Variants in GRM5 observed in about 807,000 individuals in gnomAD.
GRM5 encodes the protein metabotropic glutamate receptor 5.
GRM5 carries 19 observed loss-of-function variants against 83.1 expected under a neutral mutation model. That is an observed-to-expected ratio of 0.23 (90% CI 0.16 to 0.34). GRM5 has a LOEUF of 0.34. Among genes scored for constraint, GRM5 ranks in the 10% least tolerant of loss-of-function variants. The probability of loss-of-function intolerance (pLI) is 1.00; values close to 1 mark genes in which losing one functional copy is unlikely to be tolerated. For synonymous variants in GRM5, 675 were observed against 633.6 expected (o/e 1.07, Z -0.98); for missense variants, 1,160 against 1,588.3 (o/e 0.73, Z 4.58).
chr11:88,521,378 T>C (rs527983898), intron 9 of GRM5, among the ~76,000 whole-genome samples: 6 of 151,970 alleles, frequency 3.9e-5, no homozygotes, highest in Non-Finnish European at 7.4e-5. Context: ...GATCGCACCA[T>C]TGCACTCCAG....
intron 3 of GRM5, among the ~76,000 whole-genome samples, chr11:88,787,131 ATGTGTGTGTGTG>A (rs57116541): frequency 0.024 from 3,470 of 143,310 alleles, 122 homozygotes; most frequent in African/African-American, 0.08. Flanking sequence ...ATATGATATG[ATGTGTGTGTGTG>A]TGTGTGTGTG....
rs576997750 is a variant in GRM5, at chr11:89,059,546, T to C, written c.-201+6230A>G. On this transcript the variant is annotated intron_variant, in intron 1 of 9. Coordinates refer to ENST00000305447, the MANE Select transcript of GRM5 (RefSeq NM_001143831.3). Reference sequence around the variant, plus strand: ...ATCCTAGATTTAAATACCGGCTTTGTCACCTTTGTTTGTACTGTGGGACAT... The same window carrying C: ...ATCCTAGATTTAAATACCGGCTTTGCCACCTTTGTTTGTACTGTGGGACAT... Among the ~76,000 whole-genome samples the C allele has an allele frequency of 3.3e-5, 5 of 151,188 alleles. No homozygotes were observed. In the East Asian group the frequency reaches 7.8e-4, roughly 23 times the overall value.
chr11:88,823,214 C>A (rs1943832463), intron 3 of GRM5, among the ~76,000 whole-genome samples: 1 of 150,556 alleles, frequency 6.6e-6, no homozygotes, highest in South Asian at 2.1e-4. Context: ...CATTTTAAGA[C>A]CTTATTATAT....
At chr11:88,610,437 G>A (rs1236451882) in intron 4 of GRM5, among the ~76,000 whole-genome samples, 1 of 151,914 alleles carries the variant, frequency 6.6e-6, no homozygotes, top group Non-Finnish European at 1.5e-5. Flanking sequence ...TCACTTCCTT[G>A]GTAAACTGTA....
chr11:88,703,431 C>A (rs1941082142), intron 3 of GRM5, among the ~76,000 whole-genome samples: 1 of 152,040 alleles, frequency 6.6e-6, no homozygotes, highest in African/African-American at 2.4e-5. Flanking sequence ...ACTTTGTCCC[C>A]AATCTGTGAT....
intron 4 of GRM5, among the ~76,000 whole-genome samples, chr11:88,614,710 T>C (rs1464281286): frequency 2.0e-5 from 3 of 152,202 alleles, no homozygotes; most frequent in East Asian, 3.8e-4. Flanking sequence ...GTATCTGATA[T>C]GTGCCTAAGC....
chr11:88,988,001 C>T (rs1939795872), intron 2 of GRM5, among the ~76,000 whole-genome samples: 1 of 151,554 alleles, frequency 6.6e-6, no homozygotes, highest in African/African-American at 2.4e-5. Flanking sequence ...CGGAACAAAG[C>T]TGGACGGAGA....
At chr11:88,572,600 T>A (rs1449627051) in intron 7 of GRM5, among the ~76,000 whole-genome samples, 3 of 152,158 alleles carry the variant, frequency 2.0e-5, no homozygotes, top group East Asian at 1.9e-4. Context: ...AAACAAGGTC[T>A]ACCAAATCTC....
At chr11:88,836,654 G>A (rs1306956223) in intron 3 of GRM5, among the ~76,000 whole-genome samples, 1 of 152,014 alleles carries the variant, frequency 6.6e-6, no homozygotes. Context: ...AATTAGCTGG[G>A]CATGGTGGTG....
intron 3 of GRM5, among the ~76,000 whole-genome samples, chr11:88,780,984 A>T (rs1390772899): frequency 1.3e-5 from 2 of 151,944 alleles, no homozygotes; most frequent in Non-Finnish European, 1.5e-5. Context: ...TCCACTAAGA[A>T]ATCTTTAAAC....
At chr11:88,745,027 T>C (rs1942104264) in intron 3 of GRM5, among the ~76,000 whole-genome samples, 1 of 152,104 alleles carries the variant, frequency 6.6e-6, no homozygotes, top group African/African-American at 2.4e-5. Context: ...ATTATAATTG[T>C]TATATTTTAC....
rs572353645 is a variant in GRM5 at position 88,817,383 on chromosome 11, G to C, written c.911+32523C>G. The stretch of plus-strand genomic sequence containing the variant: ...GATTATTTTTCCACCAGACTTCTTT[G>C]TTTGAACTTGTGGACCTATCCAATT... On this transcript the variant is annotated intron_variant, in intron 3 of 9. Transcript: ENST00000305447. 1.9e-4 allele frequency among the ~76,000 whole-genome samples: 28 copies of C among 150,908 alleles called. No homozygotes were observed. In the East Asian group the frequency reaches 4.8e-3, roughly 26 times the overall value.
At chr11:88,665,564 A>C (rs1035512608) in intron 3 of GRM5, among the ~76,000 whole-genome samples, 1 of 152,210 alleles carries the variant, frequency 6.6e-6, no homozygotes, top group East Asian at 1.9e-4. Context: ...CAAAAATTAC[A>C]CTGGGATTCA....
chr11:88,757,512 C>T (rs1381930701), intron 3 of GRM5, among the ~76,000 whole-genome samples: 1 of 152,064 alleles, frequency 6.6e-6, no homozygotes, highest in Non-Finnish European at 1.5e-5. Flanking sequence ...ACGGTGGAAC[C>T]ACCCCTGCCT....
At chr11:89,034,559 C>G (rs1372195208) in intron 2 of GRM5, among the ~76,000 whole-genome samples, 2 of 151,748 alleles carry the variant, frequency 1.3e-5, no homozygotes, top group African/African-American at 4.8e-5. Flanking sequence ...CAAGTGCTTC[C>G]AGTTCACTTT....
intron 8 of GRM5, among the ~76,000 whole-genome samples, chr11:88,528,169 A>G (rs1941925176): frequency 6.6e-6 from 1 of 152,120 alleles, no homozygotes; most frequent in African/African-American, 2.4e-5. Context: ...CATATAAAAA[A>G]CAAAATAATG....
intron 3 of GRM5, among the ~76,000 whole-genome samples, chr11:88,685,150 G>A (rs532057278): frequency 3.6e-4 from 55 of 152,306 alleles, no homozygotes; most frequent in African/African-American, 1.3e-3. Context: ...AAGCCTGATA[G>A]CGATATAGAC....
intron 2 of GRM5, among the ~76,000 whole-genome samples, chr11:88,923,369 A>G (rs905081427): frequency 6.6e-6 from 1 of 152,192 alleles, no homozygotes; most frequent in Non-Finnish European, 1.5e-5. Flanking sequence ...CTATTCAGGC[A>G]TAAAAAAATG....
At chr11:88,839,868 T>G (rs1265848236) in intron 3 of GRM5, among the ~76,000 whole-genome samples, 52 of 152,076 alleles carry the variant, frequency 3.4e-4, no homozygotes, top group Non-Finnish European at 4.4e-5. Context: ...CATTATATAC[T>G]GTATTCTTAT....
Sources: allele counts gnomAD v4.1 joint callset (sites outside exome capture counted in the v4.1 genomes callset), GRCh38; gene constraint gnomAD v4.1.1; transcripts MANE v1.5; gene names NCBI Gene and HGNC (gene_info 2026-07-23, HGNC 2026-07-21).